CCDC192: variants seen among roughly 807,000 people sequenced by gnomAD.
CCDC192 encodes the protein coiled-coil domain containing 192.
intron 6 of CCDC192, among the ~76,000 whole-genome samples, chr5:127,919,073 A>ATGTGTGTG (rs70997353): frequency 2.0e-3 from 278 of 137,418 alleles, no homozygotes; most frequent in African/African-American, 5.6e-3. Context: ...GTGTGTATAT[A>ATGTGTGTG]TGTGTGTGTG....
At chr5:127,761,288 G>A (rs1419856146) in intron 3 of CCDC192, among the ~76,000 whole-genome samples, 1 of 152,204 alleles carries the variant, frequency 6.6e-6, no homozygotes, top group Non-Finnish European at 1.5e-5. Flanking sequence ...TGGGAACACA[G>A]CAGTAAACAA....
rs369486097 is a variant in CCDC192 at position 127,915,368 on chromosome 5, A to G, written c.536-25814A>G. ...CCAGGACAGTTCTGAATGCAGCCCAACAAAACTTCATAAACTTTCTTTTTT... is the reference window on the plus strand; with the variant it reads ...CCAGGACAGTTCTGAATGCAGCCCAGCAAAACTTCATAAACTTTCTTTTTT... On this transcript the variant is annotated intron_variant, in intron 6 of 6. Coordinates refer to ENST00000514853, the MANE Select transcript of CCDC192 (RefSeq NM_001317938.2). 7.2e-5 allele frequency among the ~76,000 whole-genome samples: 11 copies of G among 152,288 alleles called. No homozygotes were observed. The South Asian group carries it at 2.3e-3, about 32-fold the overall frequency.
intron 6 of CCDC192, among the ~76,000 whole-genome samples, chr5:127,877,136 G>C (rs535706675): frequency 6.6e-6 from 1 of 151,960 alleles, no homozygotes; most frequent in African/African-American, 2.4e-5. Context: ...TTTTAAACCC[G>C]GTGCAAAAAT....
At chr5:127,912,419 C>CA (rs60854127) in intron 6 of CCDC192, among the ~76,000 whole-genome samples, 19,443 of 81,406 alleles carry the variant, frequency 0.24, 2,728 homozygotes, top group East Asian at 0.39. Flanking sequence ...CTGGGTTTAG[C>CA]AAAAAAAAAA....
At chr5:127,760,405 T>C (rs1754847688) in intron 3 of CCDC192, among the ~76,000 whole-genome samples, 1 of 152,094 alleles carries the variant, frequency 6.6e-6, no homozygotes, top group Non-Finnish European at 1.5e-5. Flanking sequence ...TGGAAACTCT[T>C]GCAAAGTTGC....
chr5:127,777,237 T>G (rs957139938), intron 3 of CCDC192, among the ~76,000 whole-genome samples: 5 of 152,236 alleles, frequency 3.3e-5, no homozygotes, highest in African/African-American at 1.2e-4. Context: ...TTCATTAGCA[T>G]GACCTGGATG....
At chr5:127,738,375 A>T in intron 2 of CCDC192, among the ~76,000 whole-genome samples, 1 of 127,914 alleles carries the variant, frequency 7.8e-6, no homozygotes, top group African/African-American at 3.1e-5. Flanking sequence ...TTTTTCCTTC[A>T]TTTCAACTTT....
chr5:127,816,694 C>G (rs1337026098), intron 5 of CCDC192, among the ~76,000 whole-genome samples: 1 of 152,210 alleles, frequency 6.6e-6, no homozygotes, highest in Non-Finnish European at 1.5e-5. Context: ...CACATAGCAG[C>G]TATTCTTATC....
At chr5:127,778,794 T>C (rs1448305868) in intron 3 of CCDC192, among the ~76,000 whole-genome samples, 1 of 152,144 alleles carries the variant, frequency 6.6e-6, no homozygotes, top group African/African-American at 2.4e-5. Context: ...TCAATCTCTT[T>C]AATTGTTGTA....
intron 5 of CCDC192, among the ~76,000 whole-genome samples, chr5:127,867,964 G>A (rs1426649416): frequency 6.6e-6 from 1 of 151,148 alleles, no homozygotes; most frequent in Admixed American, 6.6e-5. Context: ...ATAATGCTCT[G>A]TGAAAACAGG....
intron 5 of CCDC192, among the ~76,000 whole-genome samples, chr5:127,843,427 A>G (rs1441396262): frequency 1.4e-5 from 2 of 148,100 alleles, no homozygotes; most frequent in African/African-American, 5.0e-5. Flanking sequence ...CACAGTAATT[A>G]TCCAAGAATA....
chr5:127,877,876 G>C (rs1437213509), intron 6 of CCDC192, among the ~76,000 whole-genome samples: 1 of 152,056 alleles, frequency 6.6e-6, no homozygotes, highest in East Asian at 1.9e-4. Flanking sequence ...ACCTCTGTTT[G>C]CAAATGAAAG....
intron 5 of CCDC192, among the ~76,000 whole-genome samples, chr5:127,812,125 G>A (rs1758115735): frequency 6.6e-6 from 1 of 152,030 alleles, no homozygotes; most frequent in African/African-American, 2.4e-5. Context: ...TTGTCATGAG[G>A]GTTAAATGTG....
intron 5 of CCDC192, among the ~76,000 whole-genome samples, chr5:127,813,449 T>A (rs988731204): frequency 2.0e-5 from 3 of 152,210 alleles, no homozygotes; most frequent in African/African-American, 7.2e-5. Context: ...ATTTAAAATT[T>A]AAGTAACTGC....
At chr5:127,862,408 A>T (rs1472201999) in intron 5 of CCDC192, among the ~76,000 whole-genome samples, 1 of 152,162 alleles carries the variant, frequency 6.6e-6, no homozygotes, top group African/African-American at 2.4e-5. Context: ...GGACTCTCAC[A>T]GCTTTTGTGG....
intron 6 of CCDC192, among the ~76,000 whole-genome samples, chr5:127,889,642 T>G (rs1035733698): frequency 7.9e-5 from 12 of 152,200 alleles, no homozygotes; most frequent in African/African-American, 2.7e-4. Context: ...CCTCAGGTGA[T>G]CCACCCACCT....
intron 3 of CCDC192, among the ~76,000 whole-genome samples, chr5:127,771,860 T>C (rs1053787569): frequency 4.6e-5 from 7 of 151,930 alleles, no homozygotes; most frequent in African/African-American, 1.2e-4. Flanking sequence ...GTTTTATTGA[T>C]TGAAAAGGAA....
intron 5 of CCDC192, among the ~76,000 whole-genome samples, chr5:127,803,314 G>A (rs531997790): frequency 8.6e-4 from 131 of 152,284 alleles, no homozygotes; most frequent in African/African-American, 2.9e-3. Flanking sequence ...GACTTCTAAA[G>A]AAATTATTAA....
intron 2 of CCDC192, among the ~76,000 whole-genome samples, chr5:127,718,763 T>G (rs964153003): frequency 1.3e-4 from 20 of 152,180 alleles, no homozygotes; most frequent in African/African-American, 4.8e-4. Context: ...TTTTTAATTG[T>G]TATGGGTACA....
Sources: allele counts gnomAD v4.1 joint callset (sites outside exome capture counted in the v4.1 genomes callset), GRCh38; gene constraint gnomAD v4.1.1; transcripts MANE v1.5; gene names NCBI Gene and HGNC (gene_info 2026-07-23, HGNC 2026-07-21).